ALK: variants seen among roughly 807,000 people sequenced by gnomAD.
ALK encodes ALK receptor tyrosine kinase, also known as ALK tyrosine kinase receptor.
ALK carries 74 observed loss-of-function variants against 163.1 expected under a neutral mutation model. That is an observed-to-expected ratio of 0.45 (90% confidence interval 0.38 to 0.55). ALK has a LOEUF of 0.55. ALK is among the 20% of genes least tolerant of loss of function. The probability of loss-of-function intolerance (pLI) is 0.00; values close to 1 mark genes in which losing one functional copy is unlikely to be tolerated. For missense variants in ALK, 2,063 were observed against 2,105.3 expected (o/e 0.98, Z 0.39); for synonymous variants, 960 against 843.2 (o/e 1.14, Z -2.40).
chr2:29,920,876 G>C lies in ALK; in HGVS notation c.-217C>G, dbSNP rs1558550512. The C allele has an allele frequency of 6.8e-6, 4 of 586,862 alleles. No individual in the cohort carries two copies. The highest frequency in any genetic ancestry group is 2.1e-5 in the South Asian group (1 of 48,478). The allele number at this position is 586,862 out of a possible 1,614,324, so 36.4% of individuals were successfully genotyped here. The stretch of plus-strand genomic sequence containing the variant: ...AACAGACCTGGAAGCTCAGGGGCGA[G>C]TCCAGAGACACTCAAGCACACTGGG... On this transcript the variant is annotated 5_prime_UTR_variant, in exon 1 of 29. Transcript: ENST00000389048.
chr2:29,590,390 C>T (rs944602712), intron 3 of ALK, among the ~76,000 whole-genome samples: 1 of 152,176 alleles, frequency 6.6e-6, no homozygotes, highest in Non-Finnish European at 1.5e-5. Context: ...TACCTTCAAA[C>T]TCAAGTTCAC....
chr2:29,490,716 G>A (rs762851676), intron 4 of ALK, among the ~76,000 whole-genome samples: 5 of 152,152 alleles, frequency 3.3e-5, no homozygotes, highest in Non-Finnish European at 7.4e-5. Flanking sequence ...TTTCAAATAT[G>A]TAAAACTACA....
At chr2:29,598,172 G>A (rs1333046870) in intron 3 of ALK, among the ~76,000 whole-genome samples, 1 of 152,150 alleles carries the variant, frequency 6.6e-6, no homozygotes, top group East Asian at 1.9e-4. Flanking sequence ...GATTACAGGT[G>A]TGCGCCACCA....
At chr2:29,378,255 G>T (rs1401797243) in intron 5 of ALK, among the ~76,000 whole-genome samples, 2 of 152,190 alleles carry the variant, frequency 1.3e-5, no homozygotes, top group Non-Finnish European at 2.9e-5. Flanking sequence ...ACAACCATAA[G>T]GTGGAGGCAG....
At chr2:29,359,861 G>A (rs1430875561) in intron 5 of ALK, among the ~76,000 whole-genome samples, 2 of 152,222 alleles carry the variant, frequency 1.3e-5, no homozygotes, top group South Asian at 2.1e-4. Context: ...CTTTGGTGGT[G>A]CCTAAGACTT....
chr2:29,436,870 G>A (rs1190587420), intron 4 of ALK, among the ~76,000 whole-genome samples: 3 of 152,106 alleles, frequency 2.0e-5, no homozygotes, highest in Non-Finnish European at 2.9e-5. Flanking sequence ...AGGAGAAAAT[G>A]GCTCTGGAAT....
intron 10 of ALK, 72 bp downstream of exon 10, chr2:29,275,330 C>A (rs1334343854): frequency 1.2e-6 from 2 of 1,609,928 alleles, no homozygotes; most frequent in Non-Finnish European, 1.7e-6. Flanking sequence ...CAGGCTTAGG[C>A]TGAGGAGGGG....
chr2:29,737,505 C>T (rs532904455), intron 1 of ALK, among the ~76,000 whole-genome samples: 49 of 152,174 alleles, frequency 3.2e-4, no homozygotes, highest in South Asian at 1.2e-3. Context: ...GCTAAGAAGA[C>T]GTTAATTCCA....
intron 1 of ALK, among the ~76,000 whole-genome samples, chr2:29,823,975 C>T (rs1165733418): frequency 6.6e-6 from 1 of 152,172 alleles, no homozygotes; most frequent in African/African-American, 2.4e-5. Flanking sequence ...GGCCCAGAGG[C>T]CTAGGAGGAA....
At chr2:29,281,802 G>A (rs1348497424) in intron 9 of ALK, among the ~76,000 whole-genome samples, 1 of 152,174 alleles carries the variant, frequency 6.6e-6, no homozygotes, top group African/African-American at 2.4e-5. Context: ...GAGACTCATC[G>A]GGCAGATCTC....
intron 3 of ALK, among the ~76,000 whole-genome samples, chr2:29,654,286 A>T (rs1267868311): frequency 6.6e-6 from 1 of 152,120 alleles, no homozygotes; most frequent in Non-Finnish European, 1.5e-5. Context: ...GTTTGCTCAT[A>T]AGAGTATATG....
intron 1 of ALK, among the ~76,000 whole-genome samples, chr2:29,753,352 C>A (rs1410963243): frequency 6.6e-6 from 1 of 152,148 alleles, no homozygotes; most frequent in Non-Finnish European, 1.5e-5. Context: ...GAGGTATCGA[C>A]AAAGACCCAA....
At chr2:29,350,992 A>G (rs1177936146) in intron 5 of ALK, among the ~76,000 whole-genome samples, 1 of 152,142 alleles carries the variant, frequency 6.6e-6, no homozygotes. Context: ...TGCATATTCT[A>G]TTTTACTCTT....
chr2:29,671,535 G>A (rs946733624), intron 3 of ALK, among the ~76,000 whole-genome samples: 2 of 152,078 alleles, frequency 1.3e-5, no homozygotes, highest in Non-Finnish European at 2.9e-5. Flanking sequence ...TCCTGCCAAA[G>A]AGACCCTAAG....
intron 7 of ALK, 91 bp downstream of exon 7, chr2:29,320,660 G>A: frequency 6.3e-7 from 1 of 1,576,078 alleles, no homozygotes; most frequent in South Asian, 1.1e-5. Context: ...AGCTTGCCCT[G>A]CAGGTGGGGT....
intron 4 of ALK, among the ~76,000 whole-genome samples, chr2:29,530,522 C>T (rs1673093945): frequency 1.3e-5 from 2 of 152,254 alleles, no homozygotes; most frequent in Admixed American, 1.3e-4. Flanking sequence ...TCCCTGGTCT[C>T]TGCCAGTCCT....
At chr2:29,226,866 A>G in intron 18 of ALK, 56 bp downstream of exon 18, 1 of 1,608,774 alleles carries the variant, frequency 6.2e-7, no homozygotes, top group Non-Finnish European at 8.5e-7. Context: ...ATTTGTGGTC[A>G]TGGGCCAAAT....
At chr2:29,904,499 C>T (rs1667489481) in intron 1 of ALK, among the ~76,000 whole-genome samples, 1 of 152,120 alleles carries the variant, frequency 6.6e-6, no homozygotes, top group Non-Finnish European at 1.5e-5. Context: ...GGGGAAACCC[C>T]TTTATTAATA....
chr2:29,845,064 T>A (rs1282234787), intron 1 of ALK, among the ~76,000 whole-genome samples: 2 of 152,188 alleles, frequency 1.3e-5, no homozygotes, highest in African/African-American at 4.8e-5. Flanking sequence ...GTTATGGATG[T>A]GAGTTTACTC....
Sources: gnomAD v4.1 joint callset for allele counts (sites outside exome capture counted in the v4.1 genomes callset) on GRCh38, gnomAD v4.1.1 for gene constraint, MANE v1.5 for transcripts, NCBI Gene and HGNC (gene_info 2026-07-23, HGNC 2026-07-21) for gene names.